Variants in PTPRD observed in about 807,000 individuals in gnomAD.
PTPRD encodes the protein protein tyrosine phosphatase receptor type D.
PTPRD carries 34 observed loss-of-function variants against 214.5 expected under a neutral mutation model. The observed-to-expected ratio is 0.16, with a 90% CI of 0.12 to 0.21. PTPRD has a LOEUF of 0.21. Among genes scored for constraint, PTPRD ranks in the 10% least tolerant of loss-of-function variants. The probability of loss-of-function intolerance (pLI) is 1.00; values close to 1 mark genes in which losing one functional copy is unlikely to be tolerated. For missense variants in PTPRD, 2,545 were observed against 2,398.7 expected (o/e 1.06, Z -1.27); for synonymous variants, 1,128 against 845.7 (o/e 1.33, Z -5.79).
At chr9:8,794,567 C>A (rs1327786129) in intron 11 of PTPRD, among the ~76,000 whole-genome samples, 1 of 144,382 alleles carries the variant, frequency 6.9e-6, no homozygotes, top group African/African-American at 2.6e-5. Context: ...TGGACTCCAA[C>A]TCTTGGGCTC....
intron 12 of PTPRD, among the ~76,000 whole-genome samples, chr9:8,722,955 G>A (rs1334448004): frequency 1.3e-5 from 2 of 152,186 alleles, no homozygotes; most frequent in Admixed American, 6.5e-5. Flanking sequence ...ACTTGATCAG[G>A]AGGTTGTATC....
chr9:9,788,272 C>G (rs1349297896), intron 5 of PTPRD, among the ~76,000 whole-genome samples: 1 of 151,702 alleles, frequency 6.6e-6, no homozygotes, highest in East Asian at 2.0e-4. Flanking sequence ...AGCTCTCTGG[C>G]CGGGCGCGGT....
chr9:9,359,475 A>T (rs2055157915), intron 9 of PTPRD, among the ~76,000 whole-genome samples: 1 of 151,282 alleles, frequency 6.6e-6, no homozygotes, highest in African/African-American at 2.4e-5. Flanking sequence ...TCTTCATAAA[A>T]ACAGTGTTTG....
intron 4 of PTPRD, among the ~76,000 whole-genome samples, chr9:9,962,772 C>A (rs2094448620): frequency 6.6e-6 from 1 of 151,992 alleles, no homozygotes; most frequent in African/African-American, 2.4e-5. Context: ...CAATAAGTTT[C>A]ATATTTATAC....
Position 8,710,222 on chromosome 9 carries a change from G to C in PTPRD, c.64+23558C>G, listed in dbSNP as rs79249612. On this transcript the variant is annotated intron_variant, in intron 12 of 45. Transcript: ENST00000381196. ...ATGAGCTACAACCCTTTGCAAGAAA[G>C]CAAATTTCTGAAAGACTTGGCTCTC... Among the ~76,000 whole-genome samples the C allele has an allele frequency of 2.2e-3, 341 of 152,248 alleles. 10 individuals carry two copies. The East Asian group carries it at 0.043, about 19-fold the overall frequency.
chr9:10,113,993 G>A (rs1430009278), intron 3 of PTPRD, among the ~76,000 whole-genome samples: 2 of 152,134 alleles, frequency 1.3e-5, no homozygotes, highest in Non-Finnish European at 2.9e-5. Flanking sequence ...TATAGATTCT[G>A]ATTTGAAAGG....
intron 7 of PTPRD, among the ~76,000 whole-genome samples, chr9:9,596,198 A>C (rs971611945): frequency 6.6e-6 from 1 of 151,986 alleles, no homozygotes; most frequent in African/African-American, 2.4e-5. Context: ...CATGTGTCAA[A>C]ATGCCAAACT....
intron 10 of PTPRD, among the ~76,000 whole-genome samples, chr9:9,155,110 G>C (rs943972598): frequency 1.3e-5 from 2 of 152,168 alleles, no homozygotes; most frequent in African/African-American, 4.8e-5. Flanking sequence ...TTCTTATGTA[G>C]TACGAAATGA....
intron 9 of PTPRD, among the ~76,000 whole-genome samples, chr9:9,273,400 T>C (rs1943712070): frequency 6.6e-6 from 1 of 151,248 alleles, no homozygotes; most frequent in African/African-American, 2.4e-5. Flanking sequence ...TTGAAATAGC[T>C]CTCTCTGTGT....
At chr9:10,067,458 G>C (rs1465121231) in intron 3 of PTPRD, among the ~76,000 whole-genome samples, 1 of 151,736 alleles carries the variant, frequency 6.6e-6, no homozygotes, top group African/African-American at 2.4e-5. Flanking sequence ...ATAATTTTCA[G>C]TTTACTCATG....
At chr9:10,432,446 A>G (rs1172431987) in intron 2 of PTPRD, among the ~76,000 whole-genome samples, 9 of 151,924 alleles carry the variant, frequency 5.9e-5, no homozygotes, top group Admixed American at 1.3e-4. Context: ...TAAAAAAAAA[A>G]GAAAGGTTTC....
intron 7 of PTPRD, among the ~76,000 whole-genome samples, chr9:9,715,609 A>C (rs2154428267): frequency 6.6e-6 from 1 of 152,290 alleles, no homozygotes; most frequent in African/African-American, 2.4e-5. Context: ...ATCTGTGGAA[A>C]CCCTCAACTT....
intron 10 of PTPRD, among the ~76,000 whole-genome samples, chr9:9,153,679 C>G (rs2099878784): frequency 6.6e-6 from 1 of 152,084 alleles, no homozygotes; most frequent in Admixed American, 6.6e-5. Context: ...ACACGTCTTT[C>G]TAATATGAAA....
chr9:9,952,101 G>A (rs372348866), intron 4 of PTPRD, among the ~76,000 whole-genome samples: 1 of 152,170 alleles, frequency 6.6e-6, no homozygotes, highest in East Asian at 1.9e-4. Flanking sequence ...GGATTTACCA[G>A]ACAAGATCTG....
chr9:8,910,851 G>A (rs1384175090), intron 11 of PTPRD, among the ~76,000 whole-genome samples: 2 of 152,120 alleles, frequency 1.3e-5, no homozygotes, highest in Non-Finnish European at 2.9e-5. Flanking sequence ...TAAAAATTAT[G>A]TTCATAATAG....
chr9:8,816,855 C>A (rs1013348045), intron 11 of PTPRD, among the ~76,000 whole-genome samples: 11 of 152,152 alleles, frequency 7.2e-5, no homozygotes, highest in African/African-American at 1.9e-4. Context: ...AAAATAGATT[C>A]TTTCCTCACC....
chr9:8,615,772 T>C (rs565612177), intron 14 of PTPRD, among the ~76,000 whole-genome samples: 50 of 152,194 alleles, frequency 3.3e-4, no homozygotes, highest in African/African-American at 1.2e-3. Context: ...GGAAAATGCA[T>C]GCCCCAATAA....
intron 10 of PTPRD, among the ~76,000 whole-genome samples, chr9:9,146,017 C>T (rs1317647303): frequency 6.6e-6 from 1 of 152,178 alleles, no homozygotes; most frequent in Non-Finnish European, 1.5e-5. Context: ...ACTTCTTTGT[C>T]CACTCCACCC....
intron 7 of PTPRD, among the ~76,000 whole-genome samples, chr9:9,603,095 G>T (rs548333998): frequency 2.0e-5 from 3 of 152,248 alleles, no homozygotes; most frequent in Admixed American, 6.5e-5. Context: ...AGGATAAAAT[G>T]CTGCTAATAT....
Sources: allele counts gnomAD v4.1 joint callset (sites outside exome capture counted in the v4.1 genomes callset), GRCh38; gene constraint gnomAD v4.1.1; transcripts MANE v1.5; gene names NCBI Gene and HGNC (gene_info 2026-07-23, HGNC 2026-07-21).